Variants in KAZN observed in about 807,000 individuals in gnomAD.
The protein encoded by KAZN is kazrin, periplakin interacting protein, also known as kazrin.
In KAZN, 40 loss-of-function variants were observed where a neutral mutation model predicts 87.4. The ratio of observed to expected loss-of-function variants is 0.46; its 90% confidence interval spans 0.36 to 0.60. The LOEUF (loss-of-function observed/expected upper bound fraction) is 0.60, where lower values mean the gene tolerates loss of function less well. Ranked by LOEUF, KAZN falls within the 20% of genes least tolerant of loss-of-function variation. The pLI is 0.00. For synonymous variants in KAZN, 466 were observed against 458.3 expected (o/e 1.02, Z -0.22); for missense variants, 898 against 1,073.9 (o/e 0.84, Z 2.29).
chr1:14,005,338 G>C (rs1241068678), intron 1 of KAZN, among the ~76,000 whole-genome samples: 1 of 152,162 alleles, frequency 6.6e-6, no homozygotes, highest in African/African-American at 2.4e-5. Flanking sequence ...AAGAGGACTT[G>C]AGAATGGGTT....
chr1:14,695,508 A>ATTTTTTTTTTT (rs1230082930), intron 1 of KAZN, among the ~76,000 whole-genome samples: 3 of 67,784 alleles, frequency 4.4e-5, no homozygotes, highest in African/African-American at 1.1e-4. Flanking sequence ...ACTACATTCC[A>ATTTTTTTTTTT]TCTTTTTTTT....
intron 2 of KAZN, among the ~76,000 whole-genome samples, chr1:14,257,959 T>TAAAAAAAAAAAAAAA (rs1168366132): frequency 3.5e-5 from 1 of 28,692 alleles, no homozygotes; most frequent in African/African-American, 1.1e-4. Context: ...AAAAAAACAT[T>TAAAAAAAAAAAAAAA]AAAAAAAAAA....
intron 2 of KAZN, among the ~76,000 whole-genome samples, chr1:14,256,100 C>T (rs1424340209): frequency 6.6e-6 from 1 of 152,186 alleles, no homozygotes; most frequent in Admixed American, 6.5e-5. Flanking sequence ...GTTCCCAGAG[C>T]TGCTTTTTTG....
intron 1 of KAZN, among the ~76,000 whole-genome samples, chr1:14,860,596 A>T (rs751731972): frequency 5.3e-5 from 8 of 152,190 alleles, no homozygotes; most frequent in Non-Finnish European, 1.2e-4. Context: ...TTTCTTTGTG[A>T]TCCAGTCTGT....
At chr1:14,801,157 T>TG (rs1646002900) in intron 1 of KAZN, among the ~76,000 whole-genome samples, 1 of 149,396 alleles carries the variant, frequency 6.7e-6, no homozygotes, top group South Asian at 2.1e-4. Context: ...AGGCAGTGAG[T>TG]GGGGGGCTTT....
intron 1 of KAZN, among the ~76,000 whole-genome samples, chr1:14,818,521 G>A (rs191494434): frequency 5.9e-5 from 9 of 152,356 alleles, no homozygotes; most frequent in Admixed American, 5.9e-4. Flanking sequence ...GCATGGATGT[G>A]GGGACAGCCC....
intron 2 of KAZN, among the ~76,000 whole-genome samples, chr1:14,218,765 T>C (rs976961119): frequency 1.3e-5 from 2 of 152,100 alleles, no homozygotes; most frequent in Non-Finnish European, 2.9e-5. Flanking sequence ...TCTATATGAG[T>C]TTCATCCCTG....
At chr1:15,095,365 G>A (rs1457258706) in intron 10 of KAZN, among the ~76,000 whole-genome samples, 1 of 152,190 alleles carries the variant, frequency 6.6e-6, no homozygotes, top group Non-Finnish European at 1.5e-5. Context: ...GTAGGCGTGA[G>A]TGGGCTTGGT....
At chr1:14,900,569 C>T (rs1176897404) in intron 1 of KAZN, among the ~76,000 whole-genome samples, 5 of 151,932 alleles carry the variant, frequency 3.3e-5, no homozygotes, top group African/African-American at 1.2e-4. Flanking sequence ...CTGGTTAACA[C>T]GGTGAAACTC....
chr1:14,591,777 T>G (rs1185861534), intron 2 of KAZN, among the ~76,000 whole-genome samples: 1 of 152,180 alleles, frequency 6.6e-6, no homozygotes, highest in East Asian at 1.9e-4. Context: ...GTGTCCACAC[T>G]GATATATACT....
intron 2 of KAZN, among the ~76,000 whole-genome samples, chr1:14,556,058 C>T (rs1673848107): frequency 6.6e-6 from 1 of 151,952 alleles, no homozygotes; most frequent in South Asian, 2.1e-4. Flanking sequence ...ACCATGGAAA[C>T]TGGCAAATCC....
intron 13 of KAZN, among the ~76,000 whole-genome samples, chr1:15,106,400 G>A (rs1484873958): frequency 6.6e-6 from 1 of 152,160 alleles, no homozygotes; most frequent in Non-Finnish European, 1.5e-5. Context: ...GGAGCCACAT[G>A]ATCTGTAACA....
intron 1 of KAZN, among the ~76,000 whole-genome samples, chr1:14,054,794 G>C (rs529411518): frequency 1.3e-5 from 2 of 152,322 alleles, no homozygotes; most frequent in East Asian, 1.9e-4. Flanking sequence ...TCATGCGTGA[G>C]AGTTAGAAAT....
At chr1:14,153,276 C>T (rs1645516636) in intron 1 of KAZN, among the ~76,000 whole-genome samples, 1 of 152,160 alleles carries the variant, frequency 6.6e-6, no homozygotes, top group African/African-American at 2.4e-5. Context: ...TTGCCCAGAT[C>T]AATGCTCTGG....
intron 1 of KAZN, among the ~76,000 whole-genome samples, chr1:14,139,003 G>C (rs1645173286): frequency 6.6e-6 from 1 of 152,186 alleles, no homozygotes. Flanking sequence ...TGTCTGGGCT[G>C]GCCTTCCCAG....
intron 1 of KAZN, among the ~76,000 whole-genome samples, chr1:14,906,072 C>T (rs929105331): frequency 6.6e-6 from 1 of 151,488 alleles, no homozygotes; most frequent in African/African-American, 2.4e-5. Context: ...GAAGCTGAGG[C>T]AGGAAAATCA....
In KAZN at chr1:14,949,630, C is replaced by G. The variant is rs1242677714; in HGVS notation, c.227-11054C>G. Among the ~76,000 whole-genome samples, 3 of 152,194 alleles carry G rather than the reference C, an allele frequency of 2.0e-5. No homozygotes were observed. The highest frequency in any genetic ancestry group is 4.4e-5 in the Non-Finnish European group (3 of 68,040). On this transcript the variant is annotated intron_variant, in intron 1 of 14. Transcript: ENST00000376030. The surrounding 1 kb of genome is among the most constrained non-coding windows in gnomAD (Gnocchi z 4.3). ...TAGCCTCTGCCATGAAGGTGTTACCCAAACCTCCGGCAGACCCCAGGGGGC... is the reference window on the plus strand; with the variant it reads ...TAGCCTCTGCCATGAAGGTGTTACCGAAACCTCCGGCAGACCCCAGGGGGC...
chr1:14,457,941 C>T (rs1425985602), intron 2 of KAZN, among the ~76,000 whole-genome samples: 1 of 151,910 alleles, frequency 6.6e-6, no homozygotes, highest in African/African-American at 2.4e-5. Context: ...CCTCAGCCTC[C>T]CAAGTAGCTG....
chr1:14,824,365 T>G (rs1355889569), intron 1 of KAZN, among the ~76,000 whole-genome samples: 1 of 152,192 alleles, frequency 6.6e-6, no homozygotes, highest in Admixed American at 6.5e-5. Flanking sequence ...CTGCAGACAC[T>G]GTCAATAAAA....
Sources: allele counts gnomAD v4.1 joint callset (sites outside exome capture counted in the v4.1 genomes callset), GRCh38; gene constraint gnomAD v4.1.1; non-coding constraint Gnocchi (gnomAD v3.1); transcripts MANE v1.5; gene names NCBI Gene and HGNC (gene_info 2026-07-23, HGNC 2026-07-21).